Variants in MTMR1 observed in about 807,000 individuals in gnomAD.
The protein encoded by MTMR1 is myotubularin related protein 1.
MTMR1 carries 17 observed loss-of-function variants against 51.6 expected under a neutral mutation model. The observed-to-expected ratio is 0.33, with a 90% confidence interval of 0.23 to 0.49. The LOEUF is 0.49. Among genes scored for constraint, MTMR1 ranks in the 20% least tolerant of loss-of-function variants. The pLI, the probability that MTMR1 is intolerant of heterozygous loss-of-function variation, is 0.99. For missense variants in MTMR1, 386 were observed against 526.9 expected, an observed-to-expected ratio of 0.73 and a Z score of 2.62; for synonymous variants, 201 against 205.6, an observed-to-expected ratio of 0.98 and a Z score of 0.19.
At chrX:150,749,665 A>T (rs1041386770) in intron 13 of MTMR1, among the ~76,000 whole-genome samples, 4 of 112,235 alleles carry the variant, frequency 3.6e-5, no homozygotes, top group African/African-American at 1.3e-4. Context: ...AATCAAGACG[A>T]TCTGTGGTTT....
intron 14 of MTMR1, among the ~76,000 whole-genome samples, chrX:150,753,561 G>A (rs1369774757): frequency 5.3e-5 from 6 of 112,454 alleles, no homozygotes; most frequent in African/African-American, 1.9e-4. Flanking sequence ...TTTCCCCAAC[G>A]ACTAATGATG....
chrX:150,695,068 C>T (rs936646688), intron 1 of MTMR1, among the ~76,000 whole-genome samples: 32 of 112,024 alleles, frequency 2.9e-4, no homozygotes, highest in African/African-American at 1.0e-3. Flanking sequence ...CCCAAAGAGG[C>T]GAGGGATCCA....
At chrX:150,758,073 C>T (rs898413965) in intron 15 of MTMR1, among the ~76,000 whole-genome samples, 11 of 111,256 alleles carry the variant, frequency 9.9e-5, no homozygotes, top group African/African-American at 3.3e-4. Flanking sequence ...ACTGAATGAA[C>T]GCATGAGTGA....
intron 12 of MTMR1, among the ~76,000 whole-genome samples, chrX:150,741,298 C>T (rs1220490208): frequency 3.6e-5 from 4 of 112,278 alleles, no homozygotes; most frequent in Admixed American, 9.4e-5. Flanking sequence ...CCCGTCTAAG[C>T]CTCAGCTGTG....
intron 1 of MTMR1, 61 bp downstream of exon 1, chrX:150,693,737 G>A: frequency 1.4e-6 from 1 of 706,865 alleles, no homozygotes; most frequent in South Asian, 7.1e-5. Context: ...CCCCGCGCGA[G>A]GCCAGCCCGC....
chrX:150,717,960 A>G (rs945406057), intron 3 of MTMR1, among the ~76,000 whole-genome samples: 5 of 112,882 alleles, frequency 4.4e-5, no homozygotes, highest in African/African-American at 1.6e-4. Flanking sequence ...TGCCTGCCAG[A>G]TGAGAGCACA....
At chrX:150,703,275 G>T (rs782662548) in intron 2 of MTMR1, among the ~76,000 whole-genome samples, 1 of 112,324 alleles carries the variant, frequency 8.9e-6, no homozygotes, top group East Asian at 2.8e-4. Flanking sequence ...TATAGTCTCT[G>T]AGGCTCAGTT....
chrX:150,762,565 A>G lies in MTMR1; in HGVS notation c.1858A>G (p.Met620Val). The change falls in exon 16 of 16, where the codon ATG becomes GTG. Residue 620 changes from methionine (M) to valine (V), a missense_variant and splice_region_variant. Met to Val is a conservative substitution (Grantham distance 21, BLOSUM62 1). Transcript: ENST00000445323. ...VRWNPRMRPQ[M>V]PIHQNLKELL... ...GCAGCTTTGTCTCTGCTCCCTCCAG[A>G]TGCCCATTCACCAGAATCTCAAGGA... The G allele has an allele frequency of 8.3e-7, 1 of 1,211,969 alleles. No individual in the cohort carries two copies. The highest frequency in any genetic ancestry group is 1.1e-6 in the Non-Finnish European group (1 of 895,484).
At chrX:150,742,094 A>G (rs1489733986) in intron 12 of MTMR1, among the ~76,000 whole-genome samples, 2 of 112,460 alleles carry the variant, frequency 1.8e-5, no homozygotes, top group Admixed American at 9.4e-5. Context: ...AATGTGGTCT[A>G]TATATACAGT....
intron 15 of MTMR1, among the ~76,000 whole-genome samples, chrX:150,761,681 C>T (rs1302996109): frequency 8.9e-6 from 1 of 112,316 alleles, no homozygotes; most frequent in Non-Finnish European, 1.9e-5. Context: ...TCCCCAGACC[C>T]CACCCTGTTT....
chrX:150,744,654 C>A (rs1431544455), intron 13 of MTMR1, among the ~76,000 whole-genome samples: 1 of 112,223 alleles, frequency 8.9e-6, no homozygotes, highest in Non-Finnish European at 1.9e-5. Context: ...CTTGTCTTTG[C>A]AAATGGTTTT....
chrX:150,705,412 A>C (rs781910142), intron 2 of MTMR1, among the ~76,000 whole-genome samples: 3 of 112,289 alleles, frequency 2.7e-5, no homozygotes, highest in African/African-American at 9.7e-5. Context: ...AATTCACACA[A>C]AGACACATTA....
At chrX:150,728,556 A>G (rs1041505104) in intron 6 of MTMR1, among the ~76,000 whole-genome samples, 2 of 112,203 alleles carry the variant, frequency 1.8e-5, no homozygotes, top group Admixed American at 9.4e-5. Context: ...TGGAATTTTT[A>G]TGTTGAGCTG....
intron 3 of MTMR1, 126 bp from the exon 4 acceptor site, chrX:150,718,499 G>A (rs1465519318): frequency 8.2e-6 from 7 of 850,138 alleles, no homozygotes; most frequent in East Asian, 7.4e-5. Context: ...TATTTTGCAC[G>A]CTTCTGTAGC....
Position 150,764,193 on chromosome X carries a change from A to G in MTMR1, c.*1464A>G, listed in dbSNP as rs1165927278. ...ATTCCAGGCAAAGGCCTACAGATTG[A>G]CCTTATTATTTTTGAAAATATGTTA... On this transcript the variant is annotated 3_prime_UTR_variant, in exon 16 of 16. Coordinates refer to ENST00000445323, the MANE Select transcript of MTMR1 (RefSeq NM_001306144.3). The G allele has an allele frequency of 8.9e-6, 1 of 112,651 alleles. No homozygotes were observed. The highest frequency in any genetic ancestry group is 1.9e-5 in the Non-Finnish European group (1 of 53,344). The allele number at this position is 112,651 out of a possible 1,213,427, so 9.3% of individuals were successfully genotyped here.
chrX:150,759,424 A>AGC (rs1557417883), intron 15 of MTMR1, among the ~76,000 whole-genome samples: 1 of 111,459 alleles, frequency 9.0e-6, no homozygotes, highest in East Asian at 2.8e-4. Flanking sequence ...GAGTGTCATG[A>AGC]ACATTAGCAG....
chrX:150,703,670 A>G, intron 2 of MTMR1, among the ~76,000 whole-genome samples: 1 of 112,169 alleles, frequency 8.9e-6, no homozygotes. Flanking sequence ...CTTGGTTAAC[A>G]TTTCTTAAAT....
Position 150,737,364 on chromosome X carries a change from G to T in MTMR1, c.1389G>T (p.Met463Ile), listed in dbSNP as rs2042305219. Residue 463 changes from methionine (M) to isoleucine (I), a missense_variant, in exon 12 of 16, where the codon ATG becomes ATT. By Grantham distance (10) the Met-to-Ile change is conservative (BLOSUM62 1). Coordinates refer to ENST00000445323, the MANE Select transcript of MTMR1 (RefSeq NM_001306144.3). ...AGCTCACATCTCTGGCTATGCTAAT[G>T]TTGGACAGTTACTACAGGACCATTA... ...TAQLTSLAMLMLDSYYRTIKG... is the reference protein window; with the variant it reads ...TAQLTSLAMLILDSYYRTIKG... The T allele has an allele frequency of 6.6e-6, 8 of 1,211,505 alleles. No individual in the cohort carries two copies. The highest frequency in any genetic ancestry group is 8.9e-6 in the Non-Finnish European group (8 of 895,315).
intron 14 of MTMR1, chrX:150,751,162 A>G: frequency 1.1e-6 from 1 of 918,416 alleles, no homozygotes; most frequent in South Asian, 3.2e-5. Flanking sequence ...TCTGCTTTTC[A>G]TCCTCTGTGG....
Sources: gnomAD v4.1 joint callset for allele counts (sites outside exome capture counted in the v4.1 genomes callset) on GRCh38, gnomAD v4.1.1 for gene constraint, MANE v1.5 for transcripts, NCBI Gene and HGNC (gene_info 2026-07-23, HGNC 2026-07-21) for gene names.